TCAIM: variants seen among roughly 807,000 people sequenced by gnomAD.
The protein encoded by TCAIM is T-cell activation inhibitor, mitochondrial.
A neutral mutation model predicts 58.6 loss-of-function variants in TCAIM; 36 were observed. The ratio of observed to expected loss-of-function variants is 0.61; its 90% CI spans 0.47 to 0.81. The LOEUF is 0.81. TCAIM is among the 30% of genes least tolerant of loss of function. The pLI is 0.00. For missense variants in TCAIM, 466 were observed against 579.6 expected (o/e 0.80, Z 2.01); for synonymous variants, 172 against 193.6 (o/e 0.89, Z 0.93).
chr3:44,359,001 G>A (rs1701251212), intron 3 of TCAIM: 1 of 984,070 alleles, frequency 1.0e-6, no homozygotes, highest in African/African-American at 1.7e-5. Context: ...ACTCGGGGAT[G>A]CATTAATAAA....
intron 9 of TCAIM, chr3:44,400,834 A>G (rs763578471): frequency 2.8e-5 from 15 of 531,142 alleles, no homozygotes; most frequent in South Asian, 1.5e-4. Flanking sequence ...AGTCAATCCA[A>G]TGGAAAACAT....
chr3:44,358,924 T>C, intron 3 of TCAIM: 18 of 985,436 alleles, frequency 1.8e-5, no homozygotes, highest in Non-Finnish European at 1.9e-5. Context: ...ATGTGATATG[T>C]TGGCTACTCA....
chr3:44,380,433 T>C (rs1339788318), intron 5 of TCAIM, among the ~76,000 whole-genome samples: 2 of 151,972 alleles, frequency 1.3e-5, no homozygotes, highest in Non-Finnish European at 2.9e-5. Flanking sequence ...AAAGAAAATA[T>C]AGATGAATGA....
intron 6 of TCAIM, among the ~76,000 whole-genome samples, chr3:44,395,355 C>T (rs1701917383): frequency 6.6e-6 from 1 of 152,048 alleles, no homozygotes; most frequent in African/African-American, 2.4e-5. Flanking sequence ...GTTTCTTGAG[C>T]GCCTGTTTTG....
At chr3:44,340,372 G>C (rs1700831979) in intron 1 of TCAIM, 1 of 152,208 alleles carries the variant, frequency 6.6e-6, no homozygotes, top group African/African-American at 2.4e-5. Flanking sequence ...ATTGGGTTCT[G>C]TTCTTACAAG....
At chr3:44,365,647 C>A (rs1701362646) in intron 4 of TCAIM, among the ~76,000 whole-genome samples, 1 of 152,086 alleles carries the variant, frequency 6.6e-6, no homozygotes, top group South Asian at 2.1e-4. Flanking sequence ...TACACACATA[C>A]AAGCACATAG....
At chr3:44,362,810 CATA>C (rs1262626080) in intron 4 of TCAIM, 3 of 166,138 alleles carry the variant, frequency 1.8e-5, no homozygotes, top group African/African-American at 7.1e-5. Flanking sequence ...ATGAGAGTCT[CATA>C]AGCAACTGAG....
chr3:44,349,283 T>A (rs141733189), intron 1 of TCAIM, among the ~76,000 whole-genome samples: 5 of 152,154 alleles, frequency 3.3e-5, no homozygotes, highest in African/African-American at 9.7e-5. Context: ...CATTTGCCCA[T>A]TTTACTACAA....
At chr3:44,381,949 C>T (rs913660899) in intron 5 of TCAIM, among the ~76,000 whole-genome samples, 2 of 152,040 alleles carry the variant, frequency 1.3e-5, no homozygotes, top group East Asian at 1.9e-4. Flanking sequence ...ACAATGAAAA[C>T]TATAAAAACA....
At chr3:44,371,984 TAGAGAGAG>T (rs200207555) in intron 5 of TCAIM, among the ~76,000 whole-genome samples, 1 of 126,158 alleles carries the variant, frequency 7.9e-6, no homozygotes, top group African/African-American at 3.0e-5. Flanking sequence ...GAAATAGTAA[TAGAGAGAG>T]AGAGAGAGAG....
intron 7 of TCAIM, 38 bp downstream of exon 7, chr3:44,396,535 C>A: frequency 1.3e-6 from 2 of 1,570,248 alleles, no homozygotes; most frequent in Admixed American, 1.8e-5. Flanking sequence ...AATCACTTAG[C>A]TGCTATGTAC....
At chr3:44,354,297 C>A (rs1160603866) in intron 1 of TCAIM, among the ~76,000 whole-genome samples, 1 of 152,226 alleles carries the variant, frequency 6.6e-6, no homozygotes, top group Non-Finnish European at 1.5e-5. Flanking sequence ...CAACACCGCG[C>A]TGTCTTGACT....
At chr3:44,369,475 C>T (rs1214754708) in intron 5 of TCAIM, among the ~76,000 whole-genome samples, 1 of 152,148 alleles carries the variant, frequency 6.6e-6, no homozygotes, top group African/African-American at 2.4e-5. Context: ...TCGTAGAACA[C>T]AGTTTTTATT....
intron 1 of TCAIM, chr3:44,341,457 AT>A (rs1700853556): frequency 6.6e-6 from 1 of 152,108 alleles, no homozygotes; most frequent in South Asian, 2.1e-4. Context: ...AATTAAAAGT[AT>A]TTTTCTAGAG....
At chr3:44,395,983 T>C (rs1327059096) in intron 6 of TCAIM, among the ~76,000 whole-genome samples, 1 of 152,182 alleles carries the variant, frequency 6.6e-6, no homozygotes, top group African/African-American at 2.4e-5. Context: ...TGAGACTCTG[T>C]CTCAAAAACA....
At chr3:44,351,603 T>C (rs1701090283) in intron 1 of TCAIM, among the ~76,000 whole-genome samples, 1 of 152,098 alleles carries the variant, frequency 6.6e-6, no homozygotes, top group South Asian at 2.1e-4. Flanking sequence ...CAAGTGATTC[T>C]GCTGCCTCAG....
At chr3:44,403,677 G>C (rs1702056587) in intron 10 of TCAIM, among the ~76,000 whole-genome samples, 1 of 152,054 alleles carries the variant, frequency 6.6e-6, no homozygotes, top group Admixed American at 6.6e-5. Flanking sequence ...AATTCAAATA[G>C]GTCAATTTGT....
intron 1 of TCAIM, among the ~76,000 whole-genome samples, chr3:44,345,751 T>G (rs781674693): frequency 6.6e-6 from 1 of 151,946 alleles, no homozygotes; most frequent in South Asian, 2.1e-4. Context: ...TTCATCAAGG[T>G]GAAAGTATTG....
At chr3:44,394,923 TA>T (rs1701908005) in intron 6 of TCAIM, among the ~76,000 whole-genome samples, 1 of 19,866 alleles carries the variant, frequency 5.0e-5, no homozygotes, top group African/African-American at 2.3e-4. Flanking sequence ...AAAAAAAAAA[TA>T]TATATATATA....
Sources: gnomAD v4.1 joint callset for allele counts (sites outside exome capture counted in the v4.1 genomes callset) on GRCh38, gnomAD v4.1.1 for gene constraint, MANE v1.5 for transcripts, NCBI Gene and HGNC (gene_info 2026-07-23, HGNC 2026-07-21) for gene names.